Variants in ATXN2L observed in about 807,000 individuals in gnomAD.
ATXN2L encodes ataxin 2 like.
ATXN2L carries 24 observed loss-of-function variants against 120.7 expected under a neutral mutation model. That is an observed-to-expected ratio of 0.20 (90% CI 0.14 to 0.28). ATXN2L has a LOEUF of 0.28. Among genes scored for constraint, ATXN2L ranks in the 10% least tolerant of loss-of-function variants. The probability of loss-of-function intolerance (pLI) is 1.00; values close to 1 mark genes in which losing one functional copy is unlikely to be tolerated. For missense variants in ATXN2L, 1,312 were observed against 1,432.3 expected (o/e 0.92, Z 1.36); for synonymous variants, 653 against 568.1 (o/e 1.15, Z -2.13).
At chr16:28,828,422 A>T (rs1013138582) in intron 6 of ATXN2L, among the ~76,000 whole-genome samples, 1 of 152,088 alleles carries the variant, frequency 6.6e-6, no homozygotes, top group Non-Finnish European at 1.5e-5. Context: ...CCCCATCTCT[A>T]CTAAAAATAC....
At chr16:28,830,451 C>T (rs2053953611) in intron 8 of ATXN2L, among the ~76,000 whole-genome samples, 164 bp from the exon 9 acceptor site, 2 of 152,082 alleles carry the variant, frequency 1.3e-5, no homozygotes, top group African/African-American at 4.8e-5. Context: ...TCCGTAGCCA[C>T]AGAACGTTAA....
At chr16:28,826,074 T>C in intron 4 of ATXN2L, 166 bp from the exon 5 acceptor site, 1 of 891,890 alleles carries the variant, frequency 1.1e-6, no homozygotes, top group Non-Finnish European at 1.7e-6. Context: ...GTGGCTGATG[T>C]TGAGAAAACA....
Position 28,828,187 on chromosome 16 carries a change from A to G in ATXN2L, c.741+1201A>G, listed in dbSNP as rs551485935. 2.9e-3 allele frequency among the ~76,000 whole-genome samples: 440 copies of G among 152,282 alleles called. 1 individual carries two copies. Among genetic ancestry groups the G allele is most frequent in the Non-Finnish European group, 4.0e-3 (275 of 68,026 alleles). ...TTTAGAACATATATTCCCCACGCACATGTGCCAGAATTTTTCTGGGATGTC... is the reference window on the plus strand; with the variant it reads ...TTTAGAACATATATTCCCCACGCACGTGTGCCAGAATTTTTCTGGGATGTC... On this transcript the variant is annotated intron_variant, in intron 6 of 21. Coordinates refer to ENST00000336783, the MANE Select transcript of ATXN2L (RefSeq NM_007245.4).
Position 28,833,312 on chromosome 16 carries a change from G to C in ATXN2L, c.1913G>C (p.Gly638Ala), listed in dbSNP as rs146212001. 1.2e-5 allele frequency: 19 copies of C among 1,613,922 alleles called. No homozygotes were observed. The African/African-American group carries it at 1.9e-4, about 16-fold the overall frequency. ...CPSQTGSPPV[G>A]LIKGEDKDEG... ...AGCCAAACTGGCAGCCCCCCGGTGG[G>C]CCTCATCAAGGGAGAAGACAAAGAT... Residue 638 changes from glycine (G) to alanine (A), a missense_variant, in exon 14 of 22, where the codon GGC (glycine) becomes GCC (alanine). Physicochemically the swap from Gly to Ala is moderately conservative, Grantham distance 60 (BLOSUM62 0). Coordinates refer to ENST00000336783, the MANE Select transcript of ATXN2L (RefSeq NM_007245.4).
chr16:28,823,303 A>T lies in ATXN2L; in HGVS notation c.44A>T (p.Gln15Leu). 6.7e-7 allele frequency: 1 copy of T among 1,493,354 alleles called. No individual in the cohort carries two copies. Among genetic ancestry groups the T allele is most frequent in the Non-Finnish European group, 8.9e-7 (1 of 1,122,920 alleles). The allele number at this position is 1,493,354 out of a possible 1,614,324, so 92.5% of individuals were successfully genotyped here. A position where few individuals can be genotyped will look rare whatever the true frequency, so the allele number is the denominator to read the frequency against. Residue 15 changes from glutamine (Q) to leucine (L), a missense_variant, in exon 1 of 22, where the codon CAG (glutamine) becomes CTG (leucine). Coordinates refer to ENST00000336783, the MANE Select transcript of ATXN2L (RefSeq NM_007245.4). ...QPLQQPSQPQ[Q>L]PPPTQQAVAR... ...CTACAACAGCCCTCCCAGCCCCAGC[A>T]GCCGCCCCCCACGCAACAGGCCGTG...
rs1282491831 is a variant in ATXN2L at position 28,834,608 on chromosome 16, C to G, written c.2348C>G (p.Pro783Arg). The G allele has an allele frequency of 6.2e-7, 1 of 1,613,840 alleles. No individual in the cohort carries two copies. The highest frequency in any genetic ancestry group is 8.5e-7 in the Non-Finnish European group (1 of 1,179,992). The change falls in exon 18 of 22, where the codon CCC becomes CGC. Residue 783 changes from proline (P) to arginine (R), a missense_variant. By Grantham distance (103) the Pro-to-Arg change is moderately radical. Transcript: ENST00000336783. ...GGCCCGCCTCTGGTGGCTGCCACGC[C>G]CTATTCTTCCTACATCCCCTACAAC... is the stretch of plus-strand genomic sequence containing the variant. ...AAGPPLVAAT[P>R]YSSYIPYNPQ...
intron 1 of ATXN2L, chr16:28,824,046 C>T: frequency 1.0e-6 from 1 of 963,226 alleles, no homozygotes; most frequent in Non-Finnish European, 1.2e-6. Context: ...TCCCCCTTCC[C>T]GGTCTGGCCA....
In ATXN2L at chr16:28,832,418, A is replaced by T; in HGVS notation, c.1516+19A>T. Reference sequence around the variant, plus strand: ...ACAGATGGTAAGAGCTAGGTGTTTGAGTGCTGTGAATGCATATTTAGTGTG... The same window carrying T: ...ACAGATGGTAAGAGCTAGGTGTTTGTGTGCTGTGAATGCATATTTAGTGTG... On this transcript the variant is annotated intron_variant, in intron 11 of 21. Coordinates refer to ENST00000336783, the MANE Select transcript of ATXN2L (RefSeq NM_007245.4). 2 of 1,613,154 alleles carry T rather than the reference A, an allele frequency of 1.2e-6. No individual in the cohort carries two copies. Among genetic ancestry groups the T allele is most frequent in the Non-Finnish European group, 1.7e-6 (2 of 1,179,102 alleles).
At chr16:28,831,134 G>C in intron 10 of ATXN2L, 62 bp downstream of exon 10, 1 of 1,162,638 alleles carries the variant, frequency 8.6e-7, no homozygotes, top group East Asian at 2.5e-5. Flanking sequence ...ATGTAAATAT[G>C]TCCATTTGTT....
rs1596826563 is a variant in ATXN2L at position 28,823,152 on chromosome 16, G to T, written c.-108G>T. ...GGCTCCCCCCGCCCGCCCACGGCGGGCCCCGGCTGCCCGATCCCCCTCGCT... is the reference window on the plus strand; with the variant it reads ...GGCTCCCCCCGCCCGCCCACGGCGGTCCCCGGCTGCCCGATCCCCCTCGCT... On this transcript the variant is annotated 5_prime_UTR_variant, in exon 1 of 22. Transcript: ENST00000336783. 1.5e-6 allele frequency: 1 copy of T among 681,206 alleles called. No homozygotes were observed. The highest frequency in any genetic ancestry group is 2.1e-6 in the Non-Finnish European group (1 of 485,000). 42.2% of individuals were successfully genotyped at this position (681,206 alleles called of 1,614,324 possible).
intron 6 of ATXN2L, among the ~76,000 whole-genome samples, chr16:28,828,234 C>T (rs924463800): frequency 1.3e-5 from 2 of 152,132 alleles, no homozygotes; most frequent in Non-Finnish European, 2.9e-5. Flanking sequence ...ATTGTTAGGT[C>T]TTATGACTTT....
rs763472794 is a variant in ATXN2L at position 28,826,863 on chromosome 16, C to T, written c.618C>T (p.Asp206=). 7.6e-6 allele frequency: 12 copies of T among 1,575,734 alleles called. No homozygotes were observed. In the African/African-American group the frequency reaches 1.5e-4, roughly 20 times the overall value. The part of the protein sequence containing the change: ...RNVDFNYATK[D]KFTDSAIAMN... Reference sequence around the variant, plus strand: ...TGATCTTCACCTCTGCCCCCACAGACAAGTTCACCGATTCAGCCATTGCCA... The same window carrying T: ...TGATCTTCACCTCTGCCCCCACAGATAAGTTCACCGATTCAGCCATTGCCA... The change falls in exon 6 of 22, where the codon GAC becomes GAT. Residue 206 remains aspartate (D), a splice_region_variant and synonymous_variant. Coordinates refer to ENST00000336783, the MANE Select transcript of ATXN2L (RefSeq NM_007245.4).
At chr16:28,827,646 A>C (rs2052652022) in intron 6 of ATXN2L, among the ~76,000 whole-genome samples, 1 of 151,984 alleles carries the variant, frequency 6.6e-6, no homozygotes, top group South Asian at 2.1e-4. Flanking sequence ...CCAAGGCAGG[A>C]GCTCCGATCA....
intron 1 of ATXN2L, 42 bp downstream of exon 1, chr16:28,823,600 A>G (rs1462897745): frequency 3.1e-6 from 4 of 1,292,504 alleles, no homozygotes; most frequent in Non-Finnish European, 3.9e-6. Context: ...GCGGCCACCC[A>G]GAGGCTGTGG....
Position 28,829,876 on chromosome 16 carries a change from C to G in ATXN2L, c.852C>G (p.Asp284Glu). 1.2e-6 allele frequency: 2 copies of G among 1,614,226 alleles called. No individual in the cohort carries two copies. Among genetic ancestry groups the G allele is most frequent in the Non-Finnish European group, 1.7e-6 (2 of 1,180,044 alleles). The change falls in exon 8 of 22, where the codon GAC becomes GAG. Residue 284 changes from aspartate to glutamate, a missense_variant. Asp to Glu is a conservative substitution (Grantham distance 45, BLOSUM62 2). Coordinates refer to ENST00000336783, the MANE Select transcript of ATXN2L (RefSeq NM_007245.4). ...LSSYTVPLEK[D>E]NSEEFRQREL... ...GTCTCAGGGTGCCCTTAGAAAAGGACAACTCAGAAGAGTTTCGTCAGCGAG... is the reference window on the plus strand; with the variant it reads ...GTCTCAGGGTGCCCTTAGAAAAGGAGAACTCAGAAGAGTTTCGTCAGCGAG...
Position 28,837,029 on chromosome 16 carries a change from T to G in ATXN2L, c.*764T>G. 6.6e-5 allele frequency: 42 copies of G among 640,476 alleles called. No homozygotes were observed. The highest frequency in any genetic ancestry group is 8.1e-5 in the Non-Finnish European group (28 of 346,842). 39.7% of individuals were successfully genotyped at this position (640,476 alleles called of 1,614,324 possible). On this transcript the variant is annotated 3_prime_UTR_variant, in exon 22 of 22. Transcript: ENST00000336783. ...TCTTGCCCTCCCATCCTCTCATCTATTCCCCCGCTGGAGACGGAAGATCTT... is the reference window on the plus strand; with the variant it reads ...TCTTGCCCTCCCATCCTCTCATCTAGTCCCCCGCTGGAGACGGAAGATCTT...
At position 28,825,649 on chromosome 16, in the gene ATXN2L, C is replaced by T; in HGVS notation, c.362C>T (p.Ser121Phe). The change falls in exon 3 of 22, where the codon TCC (serine) becomes TTC (phenylalanine). Residue 121 changes from serine to phenylalanine, a missense_variant. By Grantham distance (155) the Ser-to-Phe change is radical. Coordinates refer to ENST00000336783, the MANE Select transcript of ATXN2L (RefSeq NM_007245.4). ...SPVFEGVYNN[S>F]RMLHFLTAVV... ...GTGTTTGAAGGCGTCTACAACAATT[C>T]CAGAATGCTGCATTTCCTTACAGCT... is the stretch of plus-strand genomic sequence containing the variant. 6.2e-7 allele frequency: 1 copy of T among 1,614,188 alleles called. No individual in the cohort carries two copies. The highest frequency in any genetic ancestry group is 8.5e-7 in the Non-Finnish European group (1 of 1,180,008).
At chr16:28,828,172 A>G (rs1205026262) in intron 6 of ATXN2L, among the ~76,000 whole-genome samples, 4 of 152,152 alleles carry the variant, frequency 2.6e-5, no homozygotes, top group African/African-American at 9.7e-5. Flanking sequence ...TTTAGAACAT[A>G]TATTCCCCAC....
intron 5 of ATXN2L, 130 bp from the exon 6 acceptor site, chr16:28,826,732 C>T: frequency 8.6e-7 from 1 of 1,159,432 alleles, no homozygotes; most frequent in Non-Finnish European, 1.2e-6. Flanking sequence ...CATCCTAACA[C>T]ACGGGCACAC....
Sources: gnomAD v4.1 joint callset for allele counts (sites outside exome capture counted in the v4.1 genomes callset) on GRCh38, gnomAD v4.1.1 for gene constraint, MANE v1.5 for transcripts, NCBI Gene and HGNC (gene_info 2026-07-23, HGNC 2026-07-21) for gene names.